Variants in ABCA13 observed in about 807,000 individuals in gnomAD.
ABCA13 encodes the protein ATP-binding cassette sub-family A member 13.
In ABCA13, 476 loss-of-function variants were observed where a neutral mutation model predicts 478.7. That is an observed-to-expected ratio of 0.99 (90% CI 0.92 to 1.07). The LOEUF (loss-of-function observed/expected upper bound fraction) is 1.07. ABCA13 is among the 50% of genes least tolerant of loss of function. The probability of loss-of-function intolerance (pLI) is 0.00; values close to 1 mark genes in which losing one functional copy is unlikely to be tolerated. For missense variants in ABCA13, 6,060 were observed against 5,910.6 expected, an observed-to-expected ratio of 1.03 and a Z score of -0.83; for synonymous variants, 2,252 against 2,158.9, an observed-to-expected ratio of 1.04 and a Z score of -1.20.
Position 48,272,115 on chromosome 7 carries a change from A to T in ABCA13, c.2449A>T (p.Lys817Ter), listed in dbSNP as rs777591372. Reference protein sequence around the residue: ...LGSHWIRKEPKNLLRFIELIL... With the variant: ...LGSHWIRKEP The stretch of plus-strand genomic sequence containing the variant: ...AAGTCACTGGATAAGGAAGGAACCA[A>T]AAAATCTTTTGAGATTCATAGAATT... Residue 817 changes from lysine (K) to a stop codon, truncating the protein, a stop_gained, in exon 17 of 62, where the codon AAA (lysine) becomes TAA (stop). Coordinates refer to ENST00000435803, the MANE Select transcript of ABCA13 (RefSeq NM_152701.5). LOFTEE classifies it high-confidence loss of function. 1.2e-6 allele frequency: 2 copies of T among 1,613,676 alleles called. No homozygotes were observed. The highest frequency in any genetic ancestry group is 1.7e-6 in the Non-Finnish European group (2 of 1,179,730).
rs1791479952 is a variant in ABCA13, at chr7:48,245,162, TC to T, written c.1391-349del. Among the ~76,000 whole-genome samples the T allele has an allele frequency of 2.6e-5, 4 of 152,338 alleles. No homozygotes were observed. The South Asian group carries it at 8.3e-4, about 32-fold the overall frequency. ...TTGCAGAATGCCCTTCTTTGAACTT[TC>T]TTGACTATGGTGAGCATTATTCTTT... On this transcript the variant is annotated intron_variant, in intron 11 of 61. Coordinates refer to ENST00000435803, the MANE Select transcript of ABCA13 (RefSeq NM_152701.5).
At chr7:48,567,590 T>G (rs1787207207) in intron 55 of ABCA13, among the ~76,000 whole-genome samples, 1 of 152,092 alleles carries the variant, frequency 6.6e-6, no homozygotes. Flanking sequence ...AATTTTAAAA[T>G]ATCAACTTAA....
chr7:48,230,656 A>G (rs932677077), intron 7 of ABCA13, among the ~76,000 whole-genome samples: 15 of 151,632 alleles, frequency 9.9e-5, no homozygotes, highest in African/African-American at 3.6e-4. Flanking sequence ...TTCACCCACT[A>G]AACAACTCAT....
intron 55 of ABCA13, among the ~76,000 whole-genome samples, chr7:48,561,827 C>A (rs1037538504): frequency 1.4e-5 from 2 of 147,652 alleles, no homozygotes; most frequent in African/African-American, 5.1e-5. Flanking sequence ...GTTTTTTCTC[C>A]TATGTTTTTT....
intron 41 of ABCA13, among the ~76,000 whole-genome samples, chr7:48,418,151 G>T (rs576964420): frequency 6.6e-6 from 1 of 152,192 alleles, no homozygotes; most frequent in Admixed American, 6.5e-5. Context: ...AAATATCTGT[G>T]TGCAGATTTT....
chr7:48,459,719 A>G (rs55670033), intron 43 of ABCA13, among the ~76,000 whole-genome samples: 28,482 of 152,062 alleles, frequency 0.19, 3,062 homozygotes, highest in African/African-American at 0.29. Context: ...TCTATAAATG[A>G]TTACTTTCAT....
intron 58 of ABCA13, among the ~76,000 whole-genome samples, chr7:48,600,460 T>C (rs1790769965): frequency 6.6e-6 from 1 of 152,172 alleles, no homozygotes; most frequent in Non-Finnish European, 1.5e-5. Context: ...TGTTTTGCTA[T>C]TTTTTACATA....
At chr7:48,480,749 C>T (rs1321400211) in intron 45 of ABCA13, among the ~76,000 whole-genome samples, 1 of 152,178 alleles carries the variant, frequency 6.6e-6, no homozygotes, top group Non-Finnish European at 1.5e-5. Context: ...CCAGTGAAAA[C>T]ATTTTTTTTC....
At position 48,552,868 on chromosome 7, in the gene ABCA13, A is replaced by C. The variant is rs189891065; in HGVS notation, c.14354+24523A>C. 1.4e-3 allele frequency among the ~76,000 whole-genome samples: 211 copies of C among 151,750 alleles called. 5 individuals carry two copies. The highest frequency in any genetic ancestry group is 2.7e-3 in the Non-Finnish European group (180 of 67,766). On this transcript the variant is annotated intron_variant, in intron 55 of 61. Coordinates refer to ENST00000435803, the MANE Select transcript of ABCA13 (RefSeq NM_152701.5). ...TTAGTTATTTTAAAATGTATAATTA[A>C]GTTATTATTGACTGTTATGCTATAA...
At chr7:48,351,054 T>A (rs1808893829) in intron 30 of ABCA13, among the ~76,000 whole-genome samples, 1 of 152,256 alleles carries the variant, frequency 6.6e-6, no homozygotes, top group Non-Finnish European at 1.5e-5. Flanking sequence ...TAATAACGTT[T>A]TCACCATCCT....
intron 53 of ABCA13, among the ~76,000 whole-genome samples, chr7:48,520,757 G>A (rs910966625): frequency 6.6e-6 from 1 of 152,108 alleles, no homozygotes; most frequent in Non-Finnish European, 1.5e-5. Flanking sequence ...CTGTGTCCAA[G>A]TGTTCTCATT....
intron 13 of ABCA13, 66 bp from the exon 14 acceptor site, chr7:48,248,173 G>A: frequency 7.4e-7 from 1 of 1,356,434 alleles, no homozygotes; most frequent in Non-Finnish European, 1.0e-6. Context: ...GGTCAAGGCT[G>A]CGTCTCAAAT....
rs190568908 is a variant in ABCA13, at chr7:48,210,080, T to C, written c.288-9274T>C. ...CAATTCTTATGCTGCTATGAAGAAA[T>C]ATCCAAGACTGGGTAATTTATAAAG... On this transcript the variant is annotated intron_variant, in intron 3 of 61. Coordinates refer to ENST00000435803, the MANE Select transcript of ABCA13 (RefSeq NM_152701.5). 2.1e-3 allele frequency among the ~76,000 whole-genome samples: 320 copies of C among 152,300 alleles called. 1 individual carries two copies. Among genetic ancestry groups the C allele is most frequent in the African/African-American group, 7.4e-3 (309 of 41,570 alleles).
intron 23 of ABCA13, among the ~76,000 whole-genome samples, chr7:48,304,719 A>G (rs1800652937): frequency 6.6e-6 from 1 of 152,198 alleles, no homozygotes; most frequent in Non-Finnish European, 1.5e-5. Context: ...AACCTCAGCA[A>G]CACACAATTT....
chr7:48,529,574 A>C (rs140081333), intron 55 of ABCA13, among the ~76,000 whole-genome samples: 1 of 152,212 alleles, frequency 6.6e-6, no homozygotes, highest in Non-Finnish European at 1.5e-5. Context: ...TTTATTTTTA[A>C]GAGAGGTTAT....
At chr7:48,507,603 A>G (rs1050402249) in intron 49 of ABCA13, among the ~76,000 whole-genome samples, 4 of 152,110 alleles carry the variant, frequency 2.6e-5, no homozygotes, top group Non-Finnish European at 5.9e-5. Context: ...CTCAATGGTG[A>G]AGAGCAGATT....
At chr7:48,444,373 C>G (rs969857460) in intron 42 of ABCA13, among the ~76,000 whole-genome samples, 3 of 152,128 alleles carry the variant, frequency 2.0e-5, no homozygotes, top group Non-Finnish European at 2.9e-5. Context: ...GTGCCATTTT[C>G]CCACCATCCC....
chr7:48,445,301 G>T (rs1316407739), intron 42 of ABCA13, among the ~76,000 whole-genome samples: 1 of 152,140 alleles, frequency 6.6e-6, no homozygotes. Context: ...GAGCCACTGT[G>T]CCCGGCCTAG....
chr7:48,173,212 T>C (rs928169722), intron 1 of ABCA13, among the ~76,000 whole-genome samples: 38 of 152,262 alleles, frequency 2.5e-4, no homozygotes, highest in Non-Finnish European at 4.7e-4. Context: ...TGCATCCCAC[T>C]TTTCTTTGAC....
Sources: allele counts gnomAD v4.1 joint callset (sites outside exome capture counted in the v4.1 genomes callset), GRCh38; gene constraint gnomAD v4.1.1; transcripts MANE v1.5; gene names NCBI Gene and HGNC (gene_info 2026-07-23, HGNC 2026-07-21).